ANKS1B: variants seen among roughly 807,000 people sequenced by gnomAD.
ANKS1B encodes the protein ankyrin repeat and sterile alpha motif domain containing 1B.
A neutral mutation model predicts 148.3 loss-of-function variants in ANKS1B; 36 were observed. That is an observed-to-expected ratio of 0.24 (90% CI 0.19 to 0.32). The LOEUF (loss-of-function observed/expected upper bound fraction) is 0.32, where lower values mean the gene tolerates loss of function less well. ANKS1B is among the 10% of genes least tolerant of loss of function. The pLI, the probability that ANKS1B is intolerant of heterozygous loss-of-function variation, is 1.00. For missense variants in ANKS1B, 1,157 were observed against 1,542.6 expected, an observed-to-expected ratio of 0.75 and a Z score of 4.19; for synonymous variants, 542 against 560.8, an observed-to-expected ratio of 0.97 and a Z score of 0.47.
intron 9 of ANKS1B, among the ~76,000 whole-genome samples, chr12:99,536,173 C>T (rs1015444239): frequency 2.6e-5 from 4 of 152,162 alleles, no homozygotes; most frequent in African/African-American, 9.7e-5. Flanking sequence ...CAAAATCAAT[C>T]CTGACCCATA....
At chr12:99,269,838 C>T (rs184678908) in intron 12 of ANKS1B, among the ~76,000 whole-genome samples, 38 of 152,242 alleles carry the variant, frequency 2.5e-4, no homozygotes, top group Admixed American at 1.9e-3. Flanking sequence ...GGATTACAGG[C>T]GTGAGCCACT....
At chr12:99,839,593 T>G (rs1465904492) in intron 1 of ANKS1B, among the ~76,000 whole-genome samples, 1 of 152,160 alleles carries the variant, frequency 6.6e-6, no homozygotes, top group Non-Finnish European at 1.5e-5. Flanking sequence ...TTAAAATTAT[T>G]TTCTTTAACA....
At chr12:99,938,524 A>C (rs2094836545) in intron 1 of ANKS1B, among the ~76,000 whole-genome samples, 1 of 152,216 alleles carries the variant, frequency 6.6e-6, no homozygotes, top group Non-Finnish European at 1.5e-5. Context: ...GTTATACAAC[A>C]ATAGATGACT....
chr12:99,277,162 C>T (rs115632237), intron 12 of ANKS1B, among the ~76,000 whole-genome samples: 2,207 of 152,264 alleles, frequency 0.014, 56 homozygotes, highest in African/African-American at 0.051. Context: ...ACGTGATAGT[C>T]TCCAGGTGCC....
chr12:99,617,356 C>G (rs1847468694), intron 9 of ANKS1B, among the ~76,000 whole-genome samples: 1 of 152,112 alleles, frequency 6.6e-6, no homozygotes. Flanking sequence ...TATTGTAGCA[C>G]TATTTACAAT....
intron 17 of ANKS1B, among the ~76,000 whole-genome samples, chr12:98,938,379 C>T (rs944866212): frequency 6.6e-6 from 1 of 152,158 alleles, no homozygotes; most frequent in Non-Finnish European, 1.5e-5. Context: ...ACCCCGGGAG[C>T]TTTCAAAAAT....
chr12:99,207,777 T>C (rs537685936), intron 14 of ANKS1B, among the ~76,000 whole-genome samples: 1 of 152,234 alleles, frequency 6.6e-6, no homozygotes, highest in Admixed American at 6.5e-5. Flanking sequence ...GATGTGTTTT[T>C]GTTAAGGAAG....
At chr12:99,761,145 A>G (rs963677703) in intron 8 of ANKS1B, among the ~76,000 whole-genome samples, 6 of 151,244 alleles carry the variant, frequency 4.0e-5, no homozygotes, top group African/African-American at 1.5e-4. Context: ...GCTGGTATTA[A>G]TTCTGCTGAA....
At chr12:99,277,212 T>C (rs572775914) in intron 12 of ANKS1B, among the ~76,000 whole-genome samples, 2 of 152,332 alleles carry the variant, frequency 1.3e-5, no homozygotes, top group East Asian at 1.9e-4. Context: ...CTATCTGCCA[T>C]GTAGTTCTTA....
At chr12:99,620,037 G>C (rs1460770449) in intron 9 of ANKS1B, among the ~76,000 whole-genome samples, 1 of 152,150 alleles carries the variant, frequency 6.6e-6, no homozygotes, top group Non-Finnish European at 1.5e-5. Context: ...GGTGGCCTCA[G>C]CTGGCTGTTA....
intron 12 of ANKS1B, among the ~76,000 whole-genome samples, chr12:99,364,105 A>C (rs181586118): frequency 6.6e-6 from 1 of 152,234 alleles, no homozygotes; most frequent in East Asian, 1.9e-4. Flanking sequence ...GAGTCCAATC[A>C]GTACCACCCT....
chr12:99,659,725 G>A lies in ANKS1B; in HGVS notation c.1129-4515C>T, dbSNP rs540168776. 9.2e-5 allele frequency among the ~76,000 whole-genome samples: 14 copies of A among 152,160 alleles called. No individual in the cohort carries two copies. The South Asian group carries it at 2.5e-3, about 27-fold the overall frequency. On this transcript the variant is annotated intron_variant, in intron 8 of 26. Coordinates refer to ENST00000683438, the MANE Select transcript of ANKS1B (RefSeq NM_001352186.2). ...AACGGTGCTTCATAATTTATAAAATGCTTTCAGATAGAGAATAGCCCAATA... is the reference window on the plus strand; with the variant it reads ...AACGGTGCTTCATAATTTATAAAATACTTTCAGATAGAGAATAGCCCAATA...
chr12:99,496,083 T>A (rs1394604708), intron 10 of ANKS1B, among the ~76,000 whole-genome samples: 1 of 152,166 alleles, frequency 6.6e-6, no homozygotes, highest in East Asian at 1.9e-4. Context: ...TTATCAGAGA[T>A]CATCTATTCT....
At chr12:99,596,310 T>C (rs1337523935) in intron 9 of ANKS1B, among the ~76,000 whole-genome samples, 1 of 151,834 alleles carries the variant, frequency 6.6e-6, no homozygotes, top group Non-Finnish European at 1.5e-5. Context: ...ATCCTTGGTG[T>C]TCCTTGGCTT....
At chr12:99,241,631 T>C (rs964360660) in intron 14 of ANKS1B, among the ~76,000 whole-genome samples, 3 of 152,224 alleles carry the variant, frequency 2.0e-5, no homozygotes, top group South Asian at 2.1e-4. Flanking sequence ...CTGATGAACA[T>C]TGATGTGAAA....
At chr12:99,433,349 A>G (rs566883010) in intron 11 of ANKS1B, among the ~76,000 whole-genome samples, 2 of 152,314 alleles carry the variant, frequency 1.3e-5, no homozygotes, top group African/African-American at 4.8e-5. Flanking sequence ...TGATGTCATC[A>G]CTTACCATAT....
chr12:99,285,755 G>T (rs1181416105), intron 12 of ANKS1B, among the ~76,000 whole-genome samples: 2 of 152,108 alleles, frequency 1.3e-5, no homozygotes, highest in African/African-American at 2.4e-5. Context: ...GTGCTTGGGG[G>T]AGGAAGAGAG....
At chr12:99,228,300 CTAAAG>C (rs1243505161) in intron 14 of ANKS1B, among the ~76,000 whole-genome samples, 6 of 151,880 alleles carry the variant, frequency 4.0e-5, no homozygotes, top group Admixed American at 1.3e-4. Context: ...ATTTACTTTA[CTAAAG>C]TAAAGTAAGG....
At chr12:98,759,872 C>T (rs11109590) in intron 25 of ANKS1B, among the ~76,000 whole-genome samples, 2,102 of 152,052 alleles carry the variant, frequency 0.014, 44 homozygotes, top group South Asian at 0.079. Flanking sequence ...CCCAGCTACT[C>T]GGGGGGCTGA....
Sources: gnomAD v4.1 joint callset for allele counts (sites outside exome capture counted in the v4.1 genomes callset) on GRCh38, gnomAD v4.1.1 for gene constraint, MANE v1.5 for transcripts, NCBI Gene and HGNC (gene_info 2026-07-23, HGNC 2026-07-21) for gene names.